Variants in NDUFA10 observed in about 807,000 individuals in gnomAD.
NDUFA10 encodes NADH dehydrogenase [ubiquinone] 1 alpha subcomplex subunit 10, mitochondrial.
A neutral mutation model predicts 47.8 loss-of-function variants in NDUFA10; 40 were observed. That is an observed-to-expected ratio of 0.84 (90% CI 0.65 to 1.09). The LOEUF (loss-of-function observed/expected upper bound fraction) is 1.09. Among genes scored for constraint, NDUFA10 ranks in the 50% least tolerant of loss-of-function variants. The probability of loss-of-function intolerance (pLI) is 0.00; values close to 1 mark genes in which losing one functional copy is unlikely to be tolerated. For missense variants in NDUFA10, 413 were observed against 451.1 expected (o/e 0.92, Z 0.76); for synonymous variants, 183 against 172.2 (o/e 1.06, Z -0.49).
chr2:240,012,015 G>A (rs1697164113), intron 5 of NDUFA10: 3 of 370,586 alleles, frequency 8.1e-6, no homozygotes, highest in South Asian at 6.7e-5. Flanking sequence ...CCTCGTGCCT[G>A]AGTGCAGGAA....
intron 6 of NDUFA10, among the ~76,000 whole-genome samples, chr2:240,010,075 G>C (rs1489964769): frequency 6.6e-6 from 1 of 152,174 alleles, no homozygotes. Context: ...CCATCACAAA[G>C]CTGCAGTTTG....
chr2:239,957,056 G>A (rs1411289435), downstream of NDUFA10, among the ~76,000 whole-genome samples: 1 of 152,170 alleles, frequency 6.6e-6, no homozygotes, highest in Non-Finnish European at 1.5e-5. Flanking sequence ...TCTGGGGGGT[G>A]CCCTGCAGCT....
intron 3 of NDUFA10, 132 bp from the exon 4 acceptor site, chr2:240,018,771 G>T: frequency 9.5e-7 from 1 of 1,047,322 alleles, no homozygotes; most frequent in Non-Finnish European, 1.4e-6. Flanking sequence ...ATACTGAAAA[G>T]AACATAGACA....
At chr2:239,925,342 C>CT (rs1394666130) in intron 4 of NDUFA10, among the ~76,000 whole-genome samples, 4 of 152,096 alleles carry the variant, frequency 2.6e-5, no homozygotes, top group Non-Finnish European at 5.9e-5. Flanking sequence ...GAAAAGAGAA[C>CT]AGAATAAAGA....
intron 9 of NDUFA10, among the ~76,000 whole-genome samples, chr2:239,988,911 ACT>A (rs1428659135): frequency 1.3e-5 from 2 of 150,860 alleles, no homozygotes; most frequent in African/African-American, 2.5e-5. Context: ...CAGCACACAC[ACT>A]CACACACGTG....
At chr2:239,917,573 A>C (rs1693898460) in intron 4 of NDUFA10, among the ~76,000 whole-genome samples, 1 of 152,232 alleles carries the variant, frequency 6.6e-6, no homozygotes, top group African/African-American at 2.4e-5. Context: ...AAAAACCTAG[A>C]TAACGGACAT....
intron 4 of NDUFA10, among the ~76,000 whole-genome samples, chr2:239,899,647 G>A (rs934365196): frequency 1.3e-5 from 2 of 152,060 alleles, no homozygotes; most frequent in African/African-American, 4.8e-5. Context: ...AGTAAGGCAG[G>A]TGGACATCAG....
At chr2:240,024,102 A>G (rs1479178503) in intron 1 of NDUFA10, among the ~76,000 whole-genome samples, 1 of 152,258 alleles carries the variant, frequency 6.6e-6, no homozygotes, top group Non-Finnish European at 1.5e-5. Flanking sequence ...GTCTTACTAC[A>G]TGAGTAATCG....
chr2:240,007,488 A>T, intron 6 of NDUFA10, 118 bp from the exon 7 acceptor site: 2 of 757,406 alleles, frequency 2.6e-6, no homozygotes. Flanking sequence ...CATTCTCTGC[A>T]CTGGGCATTG....
intron 4 of NDUFA10, chr2:240,017,843 A>C: frequency 6.4e-7 from 1 of 1,567,788 alleles, no homozygotes; most frequent in Non-Finnish European, 8.6e-7. Context: ...CTCTTTCATT[A>C]ATCAACAGTA....
At chr2:239,948,417 C>G (rs762466385) in intron 4 of NDUFA10, among the ~76,000 whole-genome samples, 88 of 152,248 alleles carry the variant, frequency 5.8e-4, no homozygotes, top group Non-Finnish European at 1.1e-3. Context: ...AGCCTCCGCT[C>G]CATGAGTGGC....
At position 240,018,605 on chromosome 2, in the gene NDUFA10, A is replaced by G; in HGVS notation, c.495T>C (p.Ser165=). The change falls in exon 4 of 10, where the codon AGT becomes AGC. Residue 165 remains serine (S), a synonymous_variant. Transcript: ENST00000252711. ...QGVVLERSIF[S]DFVFLEAMYN... is the part of the protein sequence containing the mutation. The stretch of plus-strand genomic sequence containing the variant: ...ACATCGCCTCCAGGAACACAAAGTC[A>G]CTGAAGATGGAGCGCTCCAACACAA... The G allele has an allele frequency of 6.2e-7, 1 of 1,614,208 alleles. No homozygotes were observed. Among genetic ancestry groups the G allele is most frequent in the Non-Finnish European group, 8.5e-7 (1 of 1,180,040 alleles).
At chr2:239,969,726 C>T (rs550980537) in intron 9 of NDUFA10, 13 of 471,440 alleles carry the variant, frequency 2.8e-5, no homozygotes, top group South Asian at 1.1e-4. Context: ...CAGACCTCTT[C>T]GACATCTAAT....
At chr2:239,984,128 G>A (rs1478304648) in intron 9 of NDUFA10, among the ~76,000 whole-genome samples, 1 of 151,946 alleles carries the variant, frequency 6.6e-6, no homozygotes, top group Non-Finnish European at 1.5e-5. Context: ...AGCTACTTAG[G>A]AGGCTGAGGC....
At chr2:239,921,120 C>T (rs755581612) in intron 4 of NDUFA10, among the ~76,000 whole-genome samples, 1 of 152,090 alleles carries the variant, frequency 6.6e-6, no homozygotes, top group Admixed American at 6.6e-5. Flanking sequence ...TATGGTGGCT[C>T]GAACCTAAGG....
At chr2:239,985,554 T>C (rs1317358857) in intron 9 of NDUFA10, among the ~76,000 whole-genome samples, 1 of 150,680 alleles carries the variant, frequency 6.6e-6, no homozygotes, top group Non-Finnish European at 1.5e-5. Flanking sequence ...GTCCAACATA[T>C]GACCAACTGG....
chr2:239,929,767 G>A (rs1337016598), intron 4 of NDUFA10, among the ~76,000 whole-genome samples: 1 of 142,344 alleles, frequency 7.0e-6, no homozygotes, highest in African/African-American at 2.6e-5. Flanking sequence ...CTCCTCCACT[G>A]CCCCTGCTTC....
At chr2:239,893,101 C>A (rs935524668) in intron 5 of NDUFA10, among the ~76,000 whole-genome samples, 1 of 152,180 alleles carries the variant, frequency 6.6e-6, no homozygotes, top group African/African-American at 2.4e-5. Flanking sequence ...GTACCCTGCC[C>A]TGGCAGTACT....
At chr2:240,017,963 CA>C in intron 4 of NDUFA10, 1 of 1,399,876 alleles carries the variant, frequency 7.1e-7, no homozygotes, top group Admixed American at 2.0e-5. Flanking sequence ...ACCCACCGCC[CA>C]ACACAGTCCT....
Sources: gnomAD v4.1 joint callset for allele counts (sites outside exome capture counted in the v4.1 genomes callset) on GRCh38, gnomAD v4.1.1 for gene constraint, MANE v1.5 for transcripts, NCBI Gene and HGNC (gene_info 2026-07-23, HGNC 2026-07-21) for gene names.